The following STXBP5L variants were observed in gnomAD, a reference collection of about 807,000 sequenced individuals.
STXBP5L encodes the protein syntaxin binding protein 5L.
In STXBP5L, 65 loss-of-function variants were observed where a neutral mutation model predicts 144.5. That is an observed-to-expected ratio of 0.45 (90% confidence interval 0.37 to 0.55). The LOEUF (loss-of-function observed/expected upper bound fraction) is 0.55, where lower values mean the gene tolerates loss of function less well. Ranked by LOEUF, STXBP5L falls within the 20% of genes least tolerant of loss-of-function variation. STXBP5L has a pLI of 0.00. For missense variants in STXBP5L, 1,298 were observed against 1,405.5 expected, an observed-to-expected ratio of 0.92 and a Z score of 1.22; for synonymous variants, 505 against 469.6, an observed-to-expected ratio of 1.08 and a Z score of -0.97.
intron 3 of STXBP5L, among the ~76,000 whole-genome samples, chr3:120,975,553 T>A (rs1940879361): frequency 6.6e-6 from 1 of 152,184 alleles, no homozygotes; most frequent in Non-Finnish European, 1.5e-5. Context: ...CCTGCCTGAT[T>A]GCCCTGGCCA....
At chr3:121,086,860 C>T (rs9822863) in intron 5 of STXBP5L, among the ~76,000 whole-genome samples, 1 of 151,882 alleles carries the variant, frequency 6.6e-6, no homozygotes, top group African/African-American at 2.4e-5. Flanking sequence ...TACTTACACT[C>T]TATATAAGAG....
At chr3:121,112,325 G>A (rs149800464) in intron 5 of STXBP5L, among the ~76,000 whole-genome samples, 3 of 152,230 alleles carry the variant, frequency 2.0e-5, no homozygotes, top group African/African-American at 2.4e-5. Flanking sequence ...GCACAGATTC[G>A]TGGAAAAAGC....
At chr3:121,064,798 ATAT>A (rs2041463417) in intron 5 of STXBP5L, among the ~76,000 whole-genome samples, 1 of 152,192 alleles carries the variant, frequency 6.6e-6, no homozygotes, top group Non-Finnish European at 1.5e-5. Flanking sequence ...TTACATGGAC[ATAT>A]TATGTGATGC....
At position 121,238,549 on chromosome 3, in the gene STXBP5L, A is replaced by G. The variant is rs535967565; in HGVS notation, c.1185-422A>G. Among the ~76,000 whole-genome samples the G allele has an allele frequency of 1.1e-4, 16 of 152,310 alleles. No homozygotes were observed. The South Asian group carries it at 3.3e-3, about 32-fold the overall frequency. On this transcript the variant is annotated intron_variant, in intron 12 of 26. Coordinates refer to ENST00000471454, the MANE Select transcript of STXBP5L (RefSeq NM_001308330.2). ...CAAACCATAGCACTCCCATTGAAAG[A>G]AAGTCAAAATTTACTTATATTTTAA...
chr3:120,948,047 A>T (rs1710969889), intron 2 of STXBP5L, among the ~76,000 whole-genome samples: 1 of 151,758 alleles, frequency 6.6e-6, no homozygotes, highest in African/African-American at 2.4e-5. Context: ...AAGAGCCTGC[A>T]TTATTTTACA....
chr3:121,041,091 C>CT (rs574717075), intron 3 of STXBP5L, among the ~76,000 whole-genome samples: 2 of 150,934 alleles, frequency 1.3e-5, no homozygotes, highest in African/African-American at 2.4e-5. Context: ...CTCCTCCTTC[C>CT]TTTTTTTTCT....
chr3:121,006,128 T>A (rs377251221), intron 3 of STXBP5L, among the ~76,000 whole-genome samples: 5 of 152,120 alleles, frequency 3.3e-5, no homozygotes, highest in South Asian at 4.1e-4. Context: ...TGTCTCGTTG[T>A]TCTGTCTAAT....
At chr3:121,322,345 G>A (rs896919146) in intron 20 of STXBP5L, among the ~76,000 whole-genome samples, 2 of 152,030 alleles carry the variant, frequency 1.3e-5, no homozygotes, top group Non-Finnish European at 2.9e-5. Flanking sequence ...AGGTGTGGTG[G>A]TGCATGCCTG....
intron 3 of STXBP5L, among the ~76,000 whole-genome samples, chr3:120,959,345 C>A (rs1259910771): frequency 6.6e-6 from 1 of 152,152 alleles, no homozygotes; most frequent in Non-Finnish European, 1.5e-5. Context: ...TTTATAGATT[C>A]AATGCCATCC....
intron 19 of STXBP5L, among the ~76,000 whole-genome samples, chr3:121,301,530 C>T (rs2051906870): frequency 6.6e-6 from 1 of 152,102 alleles, no homozygotes; most frequent in South Asian, 2.1e-4. Context: ...AATTGAATGC[C>T]CTTTATTTCC....
chr3:121,033,677 G>A (rs1021302781), intron 3 of STXBP5L, among the ~76,000 whole-genome samples: 5 of 151,438 alleles, frequency 3.3e-5, no homozygotes, highest in Non-Finnish European at 7.4e-5. Flanking sequence ...CAAGTAGTCT[G>A]TAATTGTATT....
At chr3:121,222,544 C>T (rs1221688138) in intron 10 of STXBP5L, among the ~76,000 whole-genome samples, 1 of 152,262 alleles carries the variant, frequency 6.6e-6, no homozygotes, top group East Asian at 1.9e-4. Context: ...CCATTCTGAG[C>T]TTTCCACTGT....
intron 22 of STXBP5L, among the ~76,000 whole-genome samples, chr3:121,389,643 C>T (rs1027813902): frequency 6.6e-6 from 1 of 152,142 alleles, no homozygotes; most frequent in Non-Finnish European, 1.5e-5. Flanking sequence ...TTGTTATTTA[C>T]CCAGTAGTCA....
At position 121,036,442 on chromosome 3, in the gene STXBP5L, G is replaced by T. The variant is rs61637818; in HGVS notation, c.288-5258G>T. ...TTTGATGTTTTCTGCAAATAGAGTT[G>T]TCTTCCTTTCCAGCCTGCATGCTTT... On this transcript the variant is annotated intron_variant, in intron 3 of 26. Coordinates refer to ENST00000471454, the MANE Select transcript of STXBP5L (RefSeq NM_001308330.2). Among the ~76,000 whole-genome samples, 378 of 152,152 alleles carry T rather than the reference G, an allele frequency of 2.5e-3. 1 individual carries two copies. The highest frequency in any genetic ancestry group is 8.5e-3 in the African/African-American group (353 of 41,526).
intron 3 of STXBP5L, among the ~76,000 whole-genome samples, chr3:121,034,893 G>T (rs182984681): frequency 1.9e-3 from 285 of 152,062 alleles, no homozygotes; most frequent in Non-Finnish European, 3.1e-3. Flanking sequence ...GTTATTTTTT[G>T]ACTTTCTAAT....
intron 9 of STXBP5L, among the ~76,000 whole-genome samples, chr3:121,201,658 T>G (rs554381272): frequency 1.3e-5 from 2 of 151,984 alleles, no homozygotes; most frequent in Admixed American, 1.3e-4. Flanking sequence ...ACTGGTTGTT[T>G]TTTTTTTTCC....
chr3:121,371,812 A>G (rs1442199701), intron 20 of STXBP5L, among the ~76,000 whole-genome samples: 1 of 152,224 alleles, frequency 6.6e-6, no homozygotes, highest in African/African-American at 2.4e-5. Flanking sequence ...CACCAGTGGC[A>G]GTGTTGCTGC....
At chr3:121,240,192 A>T (rs1236868095) in intron 13 of STXBP5L, among the ~76,000 whole-genome samples, 3 of 152,146 alleles carry the variant, frequency 2.0e-5, no homozygotes, top group Non-Finnish European at 2.9e-5. Flanking sequence ...AATTAAAAAT[A>T]CTTCTTTGAT....
chr3:121,037,226 C>G (rs987990701), intron 3 of STXBP5L, among the ~76,000 whole-genome samples: 4 of 151,122 alleles, frequency 2.6e-5, no homozygotes, highest in Admixed American at 6.6e-5. Context: ...AGCCACCACA[C>G]CTGGTTTTTT....
Sources: gnomAD v4.1 joint callset for allele counts (sites outside exome capture counted in the v4.1 genomes callset) on GRCh38, gnomAD v4.1.1 for gene constraint, MANE v1.5 for transcripts, NCBI Gene and HGNC (gene_info 2026-07-23, HGNC 2026-07-21) for gene names.